RGPD2: variants seen among roughly 807,000 people sequenced by gnomAD.
RGPD2 encodes RANBP2-like and GRIP domain-containing protein 2.
A neutral mutation model predicts 36.0 loss-of-function variants in RGPD2; 2 were observed. The ratio of observed to expected loss-of-function variants is 0.06; its 90% CI spans 0.02 to 0.17. The LOEUF is 0.17. RGPD2 is among the 10% of genes least tolerant of loss of function. The pLI, the probability that RGPD2 is intolerant of heterozygous loss-of-function variation, is 1.00. For missense variants in RGPD2, 40 were observed against 464.3 expected (o/e 0.09, Z 8.40); for synonymous variants, 19 against 163.8 (o/e 0.12, Z 6.75).
the RGPD2 span, among the ~76,000 whole-genome samples, chr2:87,951,822 A>C: frequency 7.1e-6 from 1 of 141,266 alleles, no homozygotes; most frequent in African/African-American, 2.6e-5. Flanking sequence ...TGACTTTGTG[A>C]TCCGCCCGCC....
the RGPD2 span, among the ~76,000 whole-genome samples, chr2:87,929,112 G>A: frequency 6.6e-6 from 1 of 151,866 alleles, no homozygotes; most frequent in African/African-American, 2.4e-5. Context: ...TCTTCCTCAT[G>A]AAATCTTTGC....
chr2:87,937,745 G>A, the RGPD2 span, among the ~76,000 whole-genome samples: 1 of 151,952 alleles, frequency 6.6e-6, no homozygotes, highest in African/African-American at 2.4e-5. Context: ...AGAGGGTTAG[G>A]TAGATTGGAT....
At chr2:87,940,632 T>TTGTGTGTGTGTG in the RGPD2 span, among the ~76,000 whole-genome samples, 1 of 130,860 alleles carries the variant, frequency 7.6e-6, no homozygotes, top group South Asian at 2.4e-4. Flanking sequence ...AATTTTCTGT[T>TTGTGTGTGTGTG]TGTGTGTGTG....
chr2:87,985,644 T>C, the RGPD2 span: 3 of 1,272,812 alleles, frequency 2.4e-6, no homozygotes, highest in Non-Finnish European at 3.4e-6. Context: ...ACGCCTATTA[T>C]GTAGTCTCAA....
At chr2:87,933,671 GT>G in the RGPD2 span, among the ~76,000 whole-genome samples, 1 of 148,558 alleles carries the variant, frequency 6.7e-6, no homozygotes, top group Admixed American at 6.8e-5. Context: ...GAAAGGTAGT[GT>G]TTAAGTTCTG....
At chr2:87,830,815 C>G in the RGPD2 span, among the ~76,000 whole-genome samples, 1 of 152,054 alleles carries the variant, frequency 6.6e-6, no homozygotes, top group East Asian at 1.9e-4. Context: ...GTCACTATCA[C>G]GAGAACAGCA....
chr2:87,813,108 T>G (rs1686165208), intron 4 of RGPD2, among the ~76,000 whole-genome samples: 1 of 152,242 alleles, frequency 6.6e-6, no homozygotes, highest in Non-Finnish European at 1.5e-5. Flanking sequence ...GACAATAACA[T>G]CATCAAGTTT....
the RGPD2 span, among the ~76,000 whole-genome samples, chr2:87,986,657 A>G: frequency 8.6e-5 from 13 of 151,734 alleles, no homozygotes; most frequent in African/African-American, 2.7e-4. Context: ...AGGTGGGTGG[A>G]TCACCTGAGG....
chr2:87,953,956 CCTGT>C, the RGPD2 span, among the ~76,000 whole-genome samples: 3 of 150,944 alleles, frequency 2.0e-5, no homozygotes, highest in African/African-American at 7.3e-5. Flanking sequence ...CTTCTACAAG[CCTGT>C]CTGTCAGGTT....
At chr2:87,905,349 G>T in the RGPD2 span, among the ~76,000 whole-genome samples, 1 of 152,214 alleles carries the variant, frequency 6.6e-6, no homozygotes, top group Non-Finnish European at 1.5e-5. Context: ...AATATGGCAG[G>T]CCTACTGAAA....
the RGPD2 span, among the ~76,000 whole-genome samples, chr2:87,883,871 C>A: frequency 6.6e-6 from 1 of 151,624 alleles, no homozygotes; most frequent in South Asian, 2.1e-4. Context: ...ACTCCACTTT[C>A]AGCAACAGAC....
At chr2:87,840,233 C>T in the RGPD2 span, among the ~76,000 whole-genome samples, 2 of 129,996 alleles carry the variant, frequency 1.5e-5, no homozygotes, top group East Asian at 4.3e-4. Flanking sequence ...TATGTAAAGA[C>T]AGAGGCTGAG....
At chr2:87,860,849 G>C in the RGPD2 span, among the ~76,000 whole-genome samples, 1 of 151,758 alleles carries the variant, frequency 6.6e-6, no homozygotes, top group South Asian at 2.1e-4. Flanking sequence ...CTTCTTACCA[G>C]CCCTTAGAAT....
chr2:87,809,392 A>G (rs368358696), intron 6 of RGPD2, among the ~76,000 whole-genome samples: 300 of 131,456 alleles, frequency 2.3e-3, no homozygotes, highest in South Asian at 4.7e-3. Flanking sequence ...GTGTGGGCTG[A>G]GCGCGGTGGC....
the RGPD2 span, among the ~76,000 whole-genome samples, chr2:87,897,472 A>T: frequency 6.6e-6 from 1 of 151,680 alleles, no homozygotes; most frequent in African/African-American, 2.4e-5. Context: ...AACAATTTTT[A>T]TTTTATTTTT....
the RGPD2 span, among the ~76,000 whole-genome samples, chr2:87,964,847 C>T: frequency 3.5e-5 from 4 of 114,446 alleles, no homozygotes; most frequent in African/African-American, 1.2e-4. Flanking sequence ...CTTGCTTTGT[C>T]TGAATATGTC....
chr2:87,953,813 TG>T, the RGPD2 span, among the ~76,000 whole-genome samples: 1 of 128,084 alleles, frequency 7.8e-6, no homozygotes, highest in East Asian at 2.4e-4. Context: ...CTTTAATAGT[TG>T]CCCAATACAT....
At chr2:87,883,019 A>G in the RGPD2 span, among the ~76,000 whole-genome samples, 20 of 152,182 alleles carry the variant, frequency 1.3e-4, no homozygotes, top group East Asian at 3.5e-3. Context: ...ACATACATTG[A>G]CAAATCCGAA....
At chr2:87,973,871 TA>T in the RGPD2 span, among the ~76,000 whole-genome samples, 1 of 147,702 alleles carries the variant, frequency 6.8e-6, no homozygotes, top group Non-Finnish European at 1.5e-5. Flanking sequence ...ACAATTCATG[TA>T]AAGCACTTAA....
Sources: gnomAD v4.1 joint callset for allele counts (sites outside exome capture counted in the v4.1 genomes callset) on GRCh38, gnomAD v4.1.1 for gene constraint, MANE v1.5 for transcripts, NCBI Gene and HGNC (gene_info 2026-07-23, HGNC 2026-07-21) for gene names.